Variants in FAT3 observed in about 807,000 individuals in gnomAD.
FAT3 encodes the protein protocadherin Fat 3.
A neutral mutation model predicts 310.2 loss-of-function variants in FAT3; 95 were observed. The ratio of observed to expected loss-of-function variants is 0.31; its 90% CI spans 0.26 to 0.36. The LOEUF (loss-of-function observed/expected upper bound fraction) is 0.36, where lower values mean the gene tolerates loss of function less well. FAT3 is among the 10% of genes least tolerant of loss of function. FAT3 has a pLI of 1.00. For synonymous variants in FAT3, 2,314 were observed against 2,192.9 expected (o/e 1.06, Z -1.54); for missense variants, 5,408 against 5,715.6 (o/e 0.95, Z 1.74).
At chr11:92,462,777 T>C (rs1951667339) in intron 2 of FAT3, among the ~76,000 whole-genome samples, 1 of 152,220 alleles carries the variant, frequency 6.6e-6, no homozygotes, top group African/African-American at 2.4e-5. Context: ...CCTTTGTTGA[T>C]GTGTTTTAGG....
chr11:92,614,563 C>G (rs558568991), intron 3 of FAT3, among the ~76,000 whole-genome samples: 1 of 152,148 alleles, frequency 6.6e-6, no homozygotes, highest in East Asian at 1.9e-4. Flanking sequence ...GGTTGTTTGT[C>G]ATTTTATTAT....
intron 2 of FAT3, among the ~76,000 whole-genome samples, chr11:92,404,388 TA>T (rs986166867): frequency 6.6e-6 from 1 of 151,556 alleles, no homozygotes; most frequent in African/African-American, 2.4e-5. Context: ...AAGAAGAAAA[TA>T]AAAAGAACTG....
At chr11:92,889,310 A>T (rs186820525) in intron 26 of FAT3, 62 bp downstream of exon 26, 5 of 655,614 alleles carry the variant, frequency 7.6e-6, no homozygotes. Flanking sequence ...ACTTTGGACT[A>T]GGAGTGATTT....
At chr11:92,427,849 GTCAGGTT>G (rs1282267991) in intron 2 of FAT3, among the ~76,000 whole-genome samples, 1 of 152,066 alleles carries the variant, frequency 6.6e-6, no homozygotes, top group Non-Finnish European at 1.5e-5. Context: ...TTGTGTCTCT[GTCAGGTT>G]TTGGTATCAG....
In FAT3 at chr11:92,543,325, G is replaced by C. The variant is rs548358596; in HGVS notation, c.3607+18377G>C. Among the ~76,000 whole-genome samples, 4 of 152,174 alleles carry C rather than the reference G, an allele frequency of 2.6e-5. No individual in the cohort carries two copies. The South Asian group carries it at 8.3e-4, about 31-fold the overall frequency. ...TATATTTCAAAATAGCTAGAAGACA[G>C]GATTTTGAGTGTTCTCACCACACAA... On this transcript the variant is annotated intron_variant, in intron 3 of 27. Transcript: ENST00000525166.
At chr11:92,806,225 T>C (rs1159980938) in intron 11 of FAT3, 137 bp from the exon 12 acceptor site, 2 of 723,888 alleles carry the variant, frequency 2.8e-6, no homozygotes, top group African/African-American at 3.6e-5. Context: ...TTGAAATATG[T>C]TTCTGTAGTG....
chr11:92,776,316 C>G lies in FAT3; in HGVS notation c.4335+2136C>G, dbSNP rs1946596495. ...TCTATGCAGCAGATATGCTGGATCT[C>G]CAAAGCACAAAACTGATTCATGTTA... On this transcript the variant is annotated intron_variant, in intron 7 of 27. Transcript: ENST00000525166. Among the ~76,000 whole-genome samples, 3 of 152,106 alleles carry G rather than the reference C, an allele frequency of 2.0e-5. No individual in the cohort carries two copies. The South Asian group carries it at 6.2e-4, about 32-fold the overall frequency.
chr11:92,764,945 A>C lies in FAT3; in HGVS notation c.4051A>C (p.Lys1351Gln). The C allele has an allele frequency of 6.2e-7, 1 of 1,613,896 alleles. No individual in the cohort carries two copies. Among genetic ancestry groups the C allele is most frequent in the South Asian group, 1.1e-5 (1 of 91,062 alleles). The part of the protein sequence containing the change: ...STARLHIEWI[K>Q]KPPPSPIPLT... ...GGCCCGCCTCCACATTGAATGGATT[A>C]AGAAACCACCCCCTTCACCTATACC... Residue 1351 changes from lysine (K) to glutamine (Q), a missense_variant, in exon 6 of 28, where the codon AAG becomes CAG. Transcript: ENST00000525166.
At chr11:92,701,225 C>T (rs55858606) in intron 4 of FAT3, among the ~76,000 whole-genome samples, 3,067 of 152,272 alleles carry the variant, frequency 0.02, 98 homozygotes, top group African/African-American at 0.07. Flanking sequence ...GGCAGGTACA[C>T]TGCTGAATAG....
chr11:92,782,732 T>A (rs1315769142), intron 7 of FAT3, among the ~76,000 whole-genome samples: 1 of 152,104 alleles, frequency 6.6e-6, no homozygotes, highest in Non-Finnish European at 1.5e-5. Flanking sequence ...GACCTTCATG[T>A]ATTGGGGCTG....
intron 1 of FAT3, among the ~76,000 whole-genome samples, chr11:92,286,948 G>T (rs1338589185): frequency 6.6e-6 from 1 of 152,164 alleles, no homozygotes; most frequent in Non-Finnish European, 1.5e-5. Context: ...AGCTTGCTCT[G>T]TAAATAGTGA....
chr11:92,533,090 G>A (rs1330551203), intron 3 of FAT3, among the ~76,000 whole-genome samples: 1 of 152,054 alleles, frequency 6.6e-6, no homozygotes, highest in Non-Finnish European at 1.5e-5. Flanking sequence ...CTGGAGTGCA[G>A]TAGCATGATC....
intron 1 of FAT3, among the ~76,000 whole-genome samples, chr11:92,309,553 TC>T (rs1284823259): frequency 6.6e-6 from 1 of 152,122 alleles, no homozygotes; most frequent in Admixed American, 6.6e-5. Flanking sequence ...ATTATTCTGC[TC>T]CTCTCCCTGT....
intron 21 of FAT3, 76 bp from the exon 22 acceptor site, chr11:92,866,665 C>G: frequency 1.5e-6 from 2 of 1,339,322 alleles, no homozygotes; most frequent in Non-Finnish European, 2.0e-6. Flanking sequence ...GCCCCCGGGC[C>G]GGCCAGGAGC....
chr11:92,345,672 G>A (rs1948395942), intron 1 of FAT3, among the ~76,000 whole-genome samples: 2 of 152,298 alleles, frequency 1.3e-5, no homozygotes, highest in East Asian at 1.9e-4. Flanking sequence ...TTGGTGGGTG[G>A]CATTTTATCT....
chr11:92,849,049 G>A (rs1046222123), intron 19 of FAT3, among the ~76,000 whole-genome samples: 10 of 152,184 alleles, frequency 6.6e-5, no homozygotes, highest in African/African-American at 2.4e-4. Context: ...TCACATACAT[G>A]TAATTGCATT....
chr11:92,520,464 G>A (rs1953644070), intron 2 of FAT3, among the ~76,000 whole-genome samples: 1 of 151,988 alleles, frequency 6.6e-6, no homozygotes, highest in Non-Finnish European at 1.5e-5. Flanking sequence ...TTTAGACATG[G>A]ACAGGTTATT....
chr11:92,315,542 G>T (rs1022153288), intron 1 of FAT3, among the ~76,000 whole-genome samples: 1 of 145,736 alleles, frequency 6.9e-6, no homozygotes, highest in African/African-American at 2.6e-5. Flanking sequence ...GAGAGAGAGA[G>T]AGAGAGAGAG....
intron 1 of FAT3, among the ~76,000 whole-genome samples, chr11:92,232,525 TCATGG>T (rs1864226400): frequency 6.6e-6 from 1 of 152,150 alleles, no homozygotes. Context: ...GGTCTCTTTC[TCATGG>T]CATGTTTCAC....
Sources: gnomAD v4.1 joint callset for allele counts (sites outside exome capture counted in the v4.1 genomes callset) on GRCh38, gnomAD v4.1.1 for gene constraint, MANE v1.5 for transcripts, NCBI Gene and HGNC (gene_info 2026-07-23, HGNC 2026-07-21) for gene names.